TANC1: variants seen among roughly 807,000 people sequenced by gnomAD.
The protein encoded by TANC1 is protein TANC1.
Under a neutral mutation model 149.7 loss-of-function variants are expected in TANC1, and 77 were observed. That is an observed-to-expected ratio of 0.51 (90% CI 0.43 to 0.62). TANC1 has a LOEUF of 0.62. Among genes scored for constraint, TANC1 ranks in the 20% least tolerant of loss-of-function variants. TANC1 has a pLI of 0.00. For synonymous variants in TANC1, 854 were observed against 925.0 expected, an observed-to-expected ratio of 0.92 and a Z score of 1.39; for missense variants, 1,985 against 2,321.8, an observed-to-expected ratio of 0.85 and a Z score of 2.98.
rs2041898787 is a variant in TANC1 at position 159,056,932 on chromosome 2, G to T, written c.-15-8964G>T. On this transcript the variant is annotated intron_variant, in intron 2 of 26. Transcript: ENST00000263635. ...TGAACTACAGGAGCAGGCAAATGGT[G>T]TGTGCCAGCCCGCAAATATTCCACT... The T allele has an allele frequency of 5.1e-5, 12 of 235,740 alleles. No individual in the cohort carries two copies. In the South Asian group the frequency reaches 8.1e-4, roughly 16 times the overall value. The allele number at this position is 235,740 out of a possible 1,614,324, so 14.6% of individuals were successfully genotyped here.
At chr2:159,117,244 A>G (rs752179171) in intron 4 of TANC1, among the ~76,000 whole-genome samples, 4 of 152,204 alleles carry the variant, frequency 2.6e-5, no homozygotes, top group Non-Finnish European at 5.9e-5. Context: ...TAAAATTTAA[A>G]TTCAGAATAG....
rs1351656402 is a variant in TANC1, at chr2:158,981,536, TATATATAA to T, written c.-126+12756_-126+12763del. On this transcript the variant is annotated intron_variant, in intron 1 of 26. Coordinates refer to ENST00000263635, the MANE Select transcript of TANC1 (RefSeq NM_033394.3). ...ATATATATATATATATATATATATA[TATATATAA>T]AGAAGTAACAGCTTAGAGTTTAAAA... Among the ~76,000 whole-genome samples, 927 of 96,888 alleles carry T rather than the reference TATATATAA, an allele frequency of 9.6e-3. 29 individuals carry two copies. Among genetic ancestry groups the T allele is most frequent in the Middle Eastern group, 0.021 (4 of 194 alleles). 63.6% of individuals were successfully genotyped at this position (96,888 alleles called of 152,430 possible). A position where few individuals can be genotyped will look rare whatever the true frequency, so the allele number is the denominator to read the frequency against.
At chr2:159,180,394 A>C (rs2056353394) in intron 14 of TANC1, among the ~76,000 whole-genome samples, 1 of 152,240 alleles carries the variant, frequency 6.6e-6, no homozygotes. Context: ...GAAAGACTCC[A>C]TCAGGAGTGT....
chr2:159,130,087 C>G (rs1304653895), intron 4 of TANC1, among the ~76,000 whole-genome samples: 22 of 152,160 alleles, frequency 1.4e-4, no homozygotes, highest in Admixed American at 1.4e-3. Context: ...ATGCCAGCTC[C>G]TAGAGGAGCT....
chr2:159,089,498 C>T (rs1410090525), intron 3 of TANC1, among the ~76,000 whole-genome samples: 1 of 152,158 alleles, frequency 6.6e-6, no homozygotes, highest in Admixed American at 6.5e-5. Context: ...GCCTCATTTC[C>T]TTCCTTTTTA....
chr2:159,100,654 T>C (rs575868394), intron 4 of TANC1, among the ~76,000 whole-genome samples: 134 of 152,330 alleles, frequency 8.8e-4, no homozygotes, highest in African/African-American at 3.1e-3. Flanking sequence ...CCCAAATTTG[T>C]ACAGCAAATT....
At chr2:159,026,701 T>C (rs1446446782) in intron 2 of TANC1, among the ~76,000 whole-genome samples, 1 of 152,066 alleles carries the variant, frequency 6.6e-6, no homozygotes, top group Non-Finnish European at 1.5e-5. Flanking sequence ...GCTTGTACCT[T>C]CTGGAGTGCT....
intron 5 of TANC1, among the ~76,000 whole-genome samples, chr2:159,144,413 T>A (rs958297996): frequency 2.0e-5 from 3 of 152,312 alleles, no homozygotes; most frequent in Middle Eastern, 3.4e-3. Flanking sequence ...TCTCGCTCTG[T>A]CTCTCAGGCT....
At chr2:159,100,501 C>T (rs1024885547) in intron 4 of TANC1, among the ~76,000 whole-genome samples, 1 of 152,144 alleles carries the variant, frequency 6.6e-6, no homozygotes. Flanking sequence ...CTTTGCAAGG[C>T]CTTAGAATAG....
intron 2 of TANC1, among the ~76,000 whole-genome samples, chr2:159,010,748 C>A (rs2037679263): frequency 6.8e-6 from 1 of 146,464 alleles, no homozygotes; most frequent in African/African-American, 2.5e-5. Context: ...TTAATGAAAG[C>A]CTTTAAAATT....
intron 15 of TANC1, among the ~76,000 whole-genome samples, chr2:159,186,257 G>A (rs540765402): frequency 7.2e-5 from 11 of 152,214 alleles, no homozygotes; most frequent in African/African-American, 2.6e-4. Flanking sequence ...TTCTTGACCT[G>A]TGTGATTTTG....
chr2:159,146,536 CTTTTTTTTTTTTT>C (rs35745470), intron 5 of TANC1, among the ~76,000 whole-genome samples: 7 of 78,380 alleles, frequency 8.9e-5, no homozygotes, highest in Middle Eastern at 0.015. Flanking sequence ...GTCCCTTTTC[CTTTTTTTTTTTTT>C]TTTTTTTTGG....
chr2:159,230,880 G>C lies in TANC1; in HGVS notation c.5454G>C (p.Arg1818Ser). 2 of 1,614,100 alleles carry C rather than the reference G, an allele frequency of 1.2e-6. No homozygotes were observed. Among genetic ancestry groups the C allele is most frequent in the Non-Finnish European group, 1.7e-6 (2 of 1,179,992 alleles). Reference sequence around the variant, plus strand: ...TTCCAGTCCACTCTCAAGAGAACAGGATAACTAAGACTGTTTCTCATCTGT... The same window carrying C: ...TTCCAGTCCACTCTCAAGAGAACAGCATAACTAAGACTGTTTCTCATCTGT... The part of the protein sequence containing the change: ...CQIPVHSQEN[R>S]ITKTVSHLYQ... The change falls in exon 27 of 27, where the codon AGG (arginine) becomes AGC (serine). Residue 1818 changes from arginine (R) to serine (S), a missense_variant. Arg to Ser is a moderately radical substitution (Grantham distance 110). Coordinates refer to ENST00000263635, the MANE Select transcript of TANC1 (RefSeq NM_033394.3). The surrounding 1 kb of genome is among the most constrained non-coding windows in gnomAD (Gnocchi z 4.4).
chr2:159,033,338 GCA>G (rs1225641595), intron 2 of TANC1, among the ~76,000 whole-genome samples: 1 of 152,204 alleles, frequency 6.6e-6, no homozygotes. Context: ...GACAGATGTA[GCA>G]GCACAACTGA....
chr2:159,228,892 A>C lies in TANC1; in HGVS notation c.4147A>C (p.Ser1383Arg), dbSNP rs1332518303. Residue 1383 changes from serine (S) to arginine (R), a missense_variant, in exon 26 of 27, where the codon AGC becomes CGC. Around this residue, in one of 3 missense-constraint regions of TANC1, gnomAD observed 920 missense variants for 994.7 expected, o/e 0.92. Coordinates refer to ENST00000263635, the MANE Select transcript of TANC1 (RefSeq NM_033394.3). ...TGCCAGAGCAAGAGCGAAGAGAAAT[A>C]GCAGGTACCGTCTGTGGTTATCTTT... ...FYARARAKRN[S>R]RQFVAALADL... The C allele has an allele frequency of 5.6e-6, 9 of 1,612,674 alleles. No individual in the cohort carries two copies. Among genetic ancestry groups the C allele is most frequent in the Non-Finnish European group, 7.6e-6 (9 of 1,178,640 alleles).
intron 16 of TANC1, among the ~76,000 whole-genome samples, chr2:159,192,515 CA>C (rs1169279599): frequency 1.3e-5 from 2 of 152,106 alleles, no homozygotes; most frequent in African/African-American, 4.8e-5. Context: ...AGTGATTTTT[CA>C]AAGTGTGGTT....
chr2:158,995,344 T>C (rs1255778092), intron 1 of TANC1, among the ~76,000 whole-genome samples: 1 of 152,238 alleles, frequency 6.6e-6, no homozygotes, highest in African/African-American at 2.4e-5. Flanking sequence ...CATGTGTTTG[T>C]GTTATTCTCT....
intron 7 of TANC1, chr2:159,150,812 T>G: frequency 4.9e-6 from 2 of 410,210 alleles, no homozygotes. Flanking sequence ...AGATCAGATC[T>G]GGCCTGTGAA....
At chr2:159,003,242 C>G (rs774285148) in intron 2 of TANC1, among the ~76,000 whole-genome samples, 66 of 152,174 alleles carry the variant, frequency 4.3e-4, no homozygotes, top group Admixed American at 3.9e-4. Flanking sequence ...TTTTCACCAG[C>G]TAAGAAACAG....
Sources: allele counts gnomAD v4.1 joint callset (sites outside exome capture counted in the v4.1 genomes callset), GRCh38; gene constraint gnomAD v4.1.1; regional missense constraint gnomAD v4.1.1; non-coding constraint Gnocchi (gnomAD v3.1); transcripts MANE v1.5; gene names NCBI Gene and HGNC (gene_info 2026-07-23, HGNC 2026-07-21).